TAMM41: variants seen among roughly 807,000 people sequenced by gnomAD.
TAMM41 encodes phosphatidate cytidylyltransferase, mitochondrial.
Under a neutral mutation model 44.1 loss-of-function variants are expected in TAMM41, and 36 were observed. The observed-to-expected ratio is 0.82, with a 90% CI of 0.63 to 1.08. The LOEUF is 1.08. TAMM41 is among the 50% of genes least tolerant of loss of function. The pLI, the probability that TAMM41 is intolerant of heterozygous loss-of-function variation, is 0.00. For synonymous variants in TAMM41, 164 were observed against 153.1 expected (o/e 1.07, Z -0.53); for missense variants, 417 against 404.3 (o/e 1.03, Z -0.27).
the TAMM41 span, among the ~76,000 whole-genome samples, chr3:11,744,306 G>T: frequency 6.6e-6 from 1 of 152,068 alleles, no homozygotes; most frequent in African/African-American, 2.4e-5. Flanking sequence ...GACCTCAGGT[G>T]ATCCACCCAT....
intron 6 of TAMM41, chr3:11,808,341 G>T: frequency 9.9e-7 from 1 of 1,009,382 alleles, no homozygotes; most frequent in Non-Finnish European, 1.2e-6. Context: ...TCACCTCAAA[G>T]AGACGGCCCA....
chr3:11,762,193 G>GT, the TAMM41 span, among the ~76,000 whole-genome samples: 1 of 151,960 alleles, frequency 6.6e-6, no homozygotes, highest in African/African-American at 2.4e-5. Context: ...AGTATAGTGG[G>GT]TTTTTTTCTG....
chr3:11,742,566 T>C, the TAMM41 span, among the ~76,000 whole-genome samples: 1 of 149,758 alleles, frequency 6.7e-6, no homozygotes, highest in Admixed American at 6.6e-5. Context: ...TATAAGCTTT[T>C]ATGTGAACAT....
At chr3:11,758,612 A>G in the TAMM41 span, among the ~76,000 whole-genome samples, 6 of 152,146 alleles carry the variant, frequency 3.9e-5, no homozygotes, top group African/African-American at 1.4e-4. Context: ...TGGCCTCCCA[A>G]AGTGCTGGGA....
chr3:11,811,184 G>A (rs756689909), intron 5 of TAMM41: 1 of 152,130 alleles, frequency 6.6e-6, no homozygotes, highest in African/African-American at 2.4e-5. Flanking sequence ...AAAGCTAGAG[G>A]GGTAAATATT....
intron 7 of TAMM41, among the ~76,000 whole-genome samples, chr3:11,795,738 T>G (rs6786996): frequency 0.016 from 2,405 of 152,268 alleles, 62 homozygotes; most frequent in African/African-American, 0.054. Flanking sequence ...ACCAGAGTAC[T>G]CAGACAGTTC....
At chr3:11,726,435 G>A in the TAMM41 span, among the ~76,000 whole-genome samples, 1 of 152,236 alleles carries the variant, frequency 6.6e-6, no homozygotes, top group South Asian at 2.1e-4. Flanking sequence ...GAAGGGCTCT[G>A]GCAGCACAGT....
chr3:11,731,418 C>T, the TAMM41 span, among the ~76,000 whole-genome samples: 2 of 151,928 alleles, frequency 1.3e-5, no homozygotes, highest in African/African-American at 4.8e-5. Flanking sequence ...TCATTTGAGC[C>T]CAGGAGGTTG....
chr3:11,778,950 G>C, the TAMM41 span, among the ~76,000 whole-genome samples: 1 of 152,088 alleles, frequency 6.6e-6, no homozygotes, highest in Non-Finnish European at 1.5e-5. Context: ...GCTATGCTAC[G>C]GTTTGGATGT....
intron 7 of TAMM41, among the ~76,000 whole-genome samples, chr3:11,801,329 T>C (rs1479483743): frequency 6.8e-6 from 1 of 146,852 alleles, no homozygotes; most frequent in African/African-American, 2.7e-5. Context: ...TTAATGAAGA[T>C]TTTTTTCCCC....
At position 11,817,193 on chromosome 3, in the gene TAMM41, T is replaced by G. The variant is rs753620490; in HGVS notation, c.707A>C (p.Glu236Ala). 1.2e-6 allele frequency: 2 copies of G among 1,609,828 alleles called. No individual in the cohort carries two copies. Among genetic ancestry groups the G allele is most frequent in the East Asian group, 2.2e-5 (1 of 44,812 alleles). The change falls in exon 5 of 8, where the codon GAG becomes GCG. Residue 236 changes from glutamate to alanine, a missense_variant and splice_region_variant. Glu to Ala is a moderately radical substitution (Grantham distance 107). Coordinates refer to ENST00000455809, the MANE Select transcript of TAMM41 (RefSeq NM_001284401.2). ...VVYKSQQGWL[E>A]IDKSPEGQFT... ...AAGCTATTTTCCACATACAGTTACC[T>G]CCAGCCAGCCTTGCTGGCTTTTATA...
At chr3:11,822,860 G>C (rs1175818567) in intron 4 of TAMM41, among the ~76,000 whole-genome samples, 2 of 152,190 alleles carry the variant, frequency 1.3e-5, no homozygotes, top group African/African-American at 4.8e-5. Context: ...AAGTTTTTGT[G>C]TGGACATATG....
At chr3:11,725,408 C>G in the TAMM41 span, among the ~76,000 whole-genome samples, 1 of 137,206 alleles carries the variant, frequency 7.3e-6, no homozygotes, top group South Asian at 2.5e-4. Context: ...TCTTCCTCTT[C>G]TTCTTCTTCT....
At chr3:11,750,686 G>A in the TAMM41 span, among the ~76,000 whole-genome samples, 23 of 152,312 alleles carry the variant, frequency 1.5e-4, no homozygotes, top group Admixed American at 4.6e-4. Flanking sequence ...CTTGTGGCTT[G>A]GATTCACATC....
chr3:11,762,727 C>T, the TAMM41 span, among the ~76,000 whole-genome samples: 33 of 152,288 alleles, frequency 2.2e-4, 2 homozygotes, highest in South Asian at 2.7e-3. Flanking sequence ...AGAACTCTCT[C>T]TCTCATGGGT....
the TAMM41 span, among the ~76,000 whole-genome samples, chr3:11,782,231 T>C: frequency 6.6e-6 from 1 of 152,182 alleles, no homozygotes; most frequent in East Asian, 1.9e-4. Flanking sequence ...GTAATCCTGT[T>C]TTCTTGGTTG....
the TAMM41 span, among the ~76,000 whole-genome samples, chr3:11,761,739 G>C: frequency 6.6e-6 from 1 of 151,876 alleles, no homozygotes; most frequent in Non-Finnish European, 1.5e-5. Flanking sequence ...CCGAGGTCAG[G>C]AGTTCAAGAC....
chr3:11,846,713 G>A lies in TAMM41; in HGVS notation c.-77C>T. The A allele has an allele frequency of 6.3e-7, 1 of 1,587,564 alleles. No homozygotes were observed. The highest frequency in any genetic ancestry group is 1.3e-5 in the African/African-American group (1 of 74,656). On this transcript the variant is annotated 5_prime_UTR_variant, in exon 1 of 8. Coordinates refer to ENST00000455809, the MANE Select transcript of TAMM41 (RefSeq NM_001284401.2). ...GCGGGGAACAGACACCGGGTAGGCGGTTTAGGGTGGGAAATGGAAGTCGGA... is the reference window on the plus strand; with the variant it reads ...GCGGGGAACAGACACCGGGTAGGCGATTTAGGGTGGGAAATGGAAGTCGGA...
At chr3:11,750,206 G>A in the TAMM41 span, among the ~76,000 whole-genome samples, 54,234 of 151,784 alleles carry the variant, frequency 0.36, 9,758 homozygotes, top group African/African-American at 0.4. Flanking sequence ...GGGAGTGTCT[G>A]TTTCTAAGAA....
Sources: allele counts gnomAD v4.1 joint callset (sites outside exome capture counted in the v4.1 genomes callset), GRCh38; gene constraint gnomAD v4.1.1; transcripts MANE v1.5; gene names NCBI Gene and HGNC (gene_info 2026-07-23, HGNC 2026-07-21).